MYZAP: variants seen among roughly 807,000 people sequenced by gnomAD.
MYZAP encodes the protein myocardial zonula adherens protein.
Under a neutral mutation model 69.4 loss-of-function variants are expected in MYZAP, and 66 were observed. The observed-to-expected ratio is 0.95, with a 90% CI of 0.78 to 1.17. The LOEUF (loss-of-function observed/expected upper bound fraction) is 1.17, where lower values mean the gene tolerates loss of function less well. MYZAP is among the 50% of genes most tolerant of loss of function. The probability of loss-of-function intolerance (pLI) is 0.00; values close to 1 mark genes in which losing one functional copy is unlikely to be tolerated. For synonymous variants in MYZAP, 256 were observed against 205.9 expected (o/e 1.24, Z -2.09); for missense variants, 611 against 556.2 (o/e 1.10, Z -0.99).
intron 1 of MYZAP, 60 bp downstream of exon 1, chr15:57,592,169 A>C: frequency 8.0e-7 from 1 of 1,248,880 alleles, no homozygotes; most frequent in Admixed American, 4.3e-5. Flanking sequence ...CGCCCCCTCT[A>C]GAGGGGACTA....
intron 6 of MYZAP, among the ~76,000 whole-genome samples, chr15:57,631,282 G>A (rs2036489521): frequency 6.6e-6 from 1 of 152,096 alleles, no homozygotes; most frequent in Non-Finnish European, 1.5e-5. Context: ...GGTTCCAGAG[G>A]TGGCCTGTCA....
intron 1 of MYZAP, among the ~76,000 whole-genome samples, chr15:57,592,968 G>A (rs1339944724): frequency 6.6e-6 from 1 of 152,104 alleles, no homozygotes; most frequent in African/African-American, 2.4e-5. Context: ...TAAACAGGTG[G>A]TTAAGTCCAA....
intron 2 of MYZAP, among the ~76,000 whole-genome samples, chr15:57,609,334 T>C (rs1458913519): frequency 6.6e-6 from 1 of 152,212 alleles, no homozygotes; most frequent in East Asian, 1.9e-4. Context: ...GGAGTTCATA[T>C]GTCTGGGATC....
intron 10 of MYZAP, among the ~76,000 whole-genome samples, chr15:57,642,210 G>T (rs1486574070): frequency 1.3e-5 from 2 of 152,242 alleles, no homozygotes; most frequent in African/African-American, 4.8e-5. Flanking sequence ...TAAAGACTGT[G>T]TGGAGGAAGT....
intron 11 of MYZAP, among the ~76,000 whole-genome samples, 160 bp downstream of exon 11, chr15:57,661,693 G>A (rs1269861484): frequency 1.3e-5 from 2 of 152,060 alleles, no homozygotes; most frequent in South Asian, 2.1e-4. Flanking sequence ...TCTGACAGCT[G>A]TTTTTCCTTT....
intron 8 of MYZAP, among the ~76,000 whole-genome samples, chr15:57,634,215 G>A: frequency 6.6e-6 from 1 of 152,142 alleles, no homozygotes; most frequent in East Asian, 1.9e-4. Context: ...AGGAAGGCGG[G>A]AGCTCAGCTG....
At chr15:57,646,718 G>T (rs1442340739) in intron 10 of MYZAP, 1 of 986,630 alleles carries the variant, frequency 1.0e-6, no homozygotes, top group African/African-American at 1.7e-5. Context: ...GGCCCTGAAG[G>T]TGTCCTTCCT....
rs764903264 is a variant in MYZAP, at chr15:57,632,442, G to A, written c.687G>A (p.Ser229=). The part of the protein sequence containing the change: ...ENQLLKMKVE[S]SQEANAEVMR... Reference sequence around the variant, plus strand: ...AATGAGTCTCGTTGTAGGTGGAATCGTCCCAAGAAGCCAATGCTGAGGTGA... The same window carrying A: ...AATGAGTCTCGTTGTAGGTGGAATCATCCCAAGAAGCCAATGCTGAGGTGA... The change falls in exon 7 of 13, where the codon TCG becomes TCA. Residue 229 remains serine, a synonymous_variant. Transcript: ENST00000267853. 35 of 1,614,012 alleles carry A rather than the reference G, an allele frequency of 2.2e-5. No individual in the cohort carries two copies. The highest frequency in any genetic ancestry group is 6.7e-5 in the African/African-American group (5 of 74,920).
intron 6 of MYZAP, among the ~76,000 whole-genome samples, chr15:57,632,159 TA>T (rs1248681017): frequency 3.9e-5 from 6 of 152,210 alleles, no homozygotes; most frequent in African/African-American, 1.2e-4. Context: ...CGTAGAGAAA[TA>T]AGTTTCTACC....
At chr15:57,658,263 A>C (rs2038103030) in intron 10 of MYZAP, among the ~76,000 whole-genome samples, 1 of 152,164 alleles carries the variant, frequency 6.6e-6, no homozygotes, top group South Asian at 2.1e-4. Flanking sequence ...AGCAAATCCC[A>C]GACATTCTGC....
At chr15:57,635,274 A>C (rs2036748828) in intron 8 of MYZAP, among the ~76,000 whole-genome samples, 1 of 152,220 alleles carries the variant, frequency 6.6e-6, no homozygotes. Context: ...ATCCACGCCA[A>C]GTGCTAAGCA....
chr15:57,671,861 T>A (rs947046243), intron 11 of MYZAP, among the ~76,000 whole-genome samples: 6 of 152,184 alleles, frequency 3.9e-5, no homozygotes, highest in Non-Finnish European at 8.8e-5. Flanking sequence ...CATAGTTACA[T>A]CAGGATTGGT....
chr15:57,683,882 C>T (rs1436506577), intron 12 of MYZAP, among the ~76,000 whole-genome samples: 1 of 152,044 alleles, frequency 6.6e-6, no homozygotes, highest in African/African-American at 2.4e-5. Flanking sequence ...GCAACCTCTG[C>T]CTCCCGGGTT....
chr15:57,678,565 A>G (rs748231025), intron 12 of MYZAP, among the ~76,000 whole-genome samples: 1 of 152,134 alleles, frequency 6.6e-6, no homozygotes, highest in South Asian at 2.1e-4. Flanking sequence ...GTAATCATTG[A>G]TTTTATGAAA....
At chr15:57,594,406 C>A (rs2033922823) in intron 1 of MYZAP, among the ~76,000 whole-genome samples, 1 of 152,282 alleles carries the variant, frequency 6.6e-6, no homozygotes, top group East Asian at 1.9e-4. Context: ...ATGAGCCACC[C>A]AGCCCCGCCT....
chr15:57,605,106 C>T (rs2034662536), intron 2 of MYZAP, among the ~76,000 whole-genome samples: 4 of 152,156 alleles, frequency 2.6e-5, no homozygotes, highest in South Asian at 4.1e-4. Context: ...ACCCATTTTA[C>T]TCATTCATAA....
chr15:57,636,568 G>A, intron 8 of MYZAP, among the ~76,000 whole-genome samples: 1 of 152,218 alleles, frequency 6.6e-6, no homozygotes, highest in East Asian at 1.9e-4. Flanking sequence ...TTAGTTCTTA[G>A]AGAAGGACCT....
chr15:57,633,895 G>C (rs758959774), intron 8 of MYZAP, among the ~76,000 whole-genome samples, 154 bp downstream of exon 8: 2 of 151,866 alleles, frequency 1.3e-5, no homozygotes, highest in Non-Finnish European at 2.9e-5. Context: ...GTATAAGGAA[G>C]TCCAACAACG....
At position 57,682,436 on chromosome 15, in the gene MYZAP, C is replaced by G. The variant is rs564436273; in HGVS notation, c.1305-1966C>G. On this transcript the variant is annotated intron_variant, in intron 12 of 12. Coordinates refer to ENST00000267853, the MANE Select transcript of MYZAP (RefSeq NM_001018100.5). The stretch of plus-strand genomic sequence containing the variant: ...CCTGTTAACTATAACTCTCAAATGT[C>G]TCCCTAAAATCTCCCCGCCACTTCC... Among the ~76,000 whole-genome samples, 3 of 152,234 alleles carry G rather than the reference C, an allele frequency of 2.0e-5. No individual in the cohort carries two copies. In the South Asian group the frequency reaches 6.2e-4, roughly 32 times the overall value.
Sources: gnomAD v4.1 joint callset for allele counts (sites outside exome capture counted in the v4.1 genomes callset) on GRCh38, gnomAD v4.1.1 for gene constraint, MANE v1.5 for transcripts, NCBI Gene and HGNC (gene_info 2026-07-23, HGNC 2026-07-21) for gene names.